Variants in NTM observed in about 807,000 individuals in gnomAD.
The protein encoded by NTM is IgLON family member 2.
In NTM, 13 loss-of-function variants were observed where a neutral mutation model predicts 42.1. That is an observed-to-expected ratio of 0.31 (90% CI 0.20 to 0.49). The LOEUF is 0.49. Among genes scored for constraint, NTM ranks in the 20% least tolerant of loss-of-function variants. The pLI is 0.99. For synonymous variants in NTM, 187 were observed against 179.2 expected (o/e 1.04, Z -0.35); for missense variants, 373 against 452.8 (o/e 0.82, Z 1.60).
chr11:131,643,529 C>T (rs756723115), intron 1 of NTM, among the ~76,000 whole-genome samples: 2 of 152,166 alleles, frequency 1.3e-5, no homozygotes, highest in Non-Finnish European at 1.5e-5. Context: ...GTCCCTAGGG[C>T]TCTACTCAAC....
At chr11:131,929,942 C>A (rs867638366) in intron 2 of NTM, among the ~76,000 whole-genome samples, 68 of 152,150 alleles carry the variant, frequency 4.5e-4, no homozygotes, top group African/African-American at 1.6e-3. Context: ...AGGCTATAAG[C>A]TTCTATTCTT....
intron 1 of NTM, among the ~76,000 whole-genome samples, chr11:131,377,754 A>C (rs1319876883): frequency 2.0e-5 from 3 of 152,158 alleles, no homozygotes; most frequent in African/African-American, 7.2e-5. Flanking sequence ...GTGTGTACAG[A>C]GGTAACAAAG....
intron 1 of NTM, among the ~76,000 whole-genome samples, chr11:131,529,171 C>A (rs946840452): frequency 6.6e-6 from 1 of 152,202 alleles, no homozygotes; most frequent in African/African-American, 2.4e-5. Flanking sequence ...ATCCAGGCTG[C>A]GGCTAATGGC....
chr11:132,331,860 TG>T (rs1339416465), intron 8 of NTM, among the ~76,000 whole-genome samples: 1 of 151,198 alleles, frequency 6.6e-6, no homozygotes, highest in African/African-American at 2.4e-5. Flanking sequence ...TGTGTGAGGG[TG>T]GGGAAAAAAG....
At chr11:131,788,009 A>G (rs1213081229) in intron 1 of NTM, among the ~76,000 whole-genome samples, 2 of 152,152 alleles carry the variant, frequency 1.3e-5, no homozygotes, top group Non-Finnish European at 2.9e-5. Flanking sequence ...CTTAGTCCTA[A>G]TTGTGTCTAT....
intron 4 of NTM, among the ~76,000 whole-genome samples, chr11:132,231,482 C>A (rs1213376944): frequency 6.6e-6 from 1 of 152,062 alleles, no homozygotes; most frequent in Non-Finnish European, 1.5e-5. Context: ...AATTAGCAGC[C>A]TCCAATTTGC....
At chr11:132,063,825 A>G (rs1260737408) in intron 2 of NTM, among the ~76,000 whole-genome samples, 2 of 152,188 alleles carry the variant, frequency 1.3e-5, no homozygotes, top group Non-Finnish European at 2.9e-5. Context: ...CATCTCCTCT[A>G]CAAAAAGAGG....
At chr11:131,437,183 T>C (rs147511549) in intron 1 of NTM, among the ~76,000 whole-genome samples, 1,851 of 152,332 alleles carry the variant, frequency 0.012, 42 homozygotes, top group African/African-American at 0.043. Context: ...TCACATTTGC[T>C]GAGGAGTGCT....
chr11:131,649,281 GC>G (rs1428445911), intron 1 of NTM, among the ~76,000 whole-genome samples: 8 of 152,218 alleles, frequency 5.3e-5, no homozygotes, highest in African/African-American at 1.7e-4. Context: ...AAAAGTTATT[GC>G]TGTGATAATC....
At chr11:131,563,800 C>T (rs1480591847) in intron 1 of NTM, among the ~76,000 whole-genome samples, 1 of 151,908 alleles carries the variant, frequency 6.6e-6, no homozygotes, top group Non-Finnish European at 1.5e-5. Context: ...CATTGGTGGT[C>T]ATTTTCTCCT....
At chr11:131,433,950 C>T (rs1948901044) in intron 1 of NTM, among the ~76,000 whole-genome samples, 2 of 152,170 alleles carry the variant, frequency 1.3e-5, no homozygotes, top group South Asian at 2.1e-4. Flanking sequence ...CTCTCCCTAT[C>T]CCCAACCCCA....
At chr11:131,494,871 AG>A (rs1417004666) in intron 1 of NTM, among the ~76,000 whole-genome samples, 1 of 152,216 alleles carries the variant, frequency 6.6e-6, no homozygotes. Flanking sequence ...GGGTGGAGGC[AG>A]CTCTGGGAAA....
intron 1 of NTM, among the ~76,000 whole-genome samples, chr11:131,756,574 G>A (rs907184993): frequency 2.6e-5 from 4 of 151,998 alleles, no homozygotes; most frequent in African/African-American, 9.6e-5. Flanking sequence ...TGTGGTCCCA[G>A]CTACTGGGGA....
At chr11:131,698,282 C>A (rs995399141) in intron 1 of NTM, among the ~76,000 whole-genome samples, 9 of 152,176 alleles carry the variant, frequency 5.9e-5, no homozygotes, top group Non-Finnish European at 1.3e-4. Flanking sequence ...GTGTACCCCC[C>A]ACCCTACCCC....
At chr11:131,564,358 T>C (rs1352000318) in intron 1 of NTM, among the ~76,000 whole-genome samples, 1 of 152,188 alleles carries the variant, frequency 6.6e-6, no homozygotes, top group Non-Finnish European at 1.5e-5. Context: ...CACCATGGTC[T>C]GGTTTTGGTG....
Position 131,482,389 on chromosome 11 carries a change from T to C in NTM, c.82+111501T>C, listed in dbSNP as rs563462594. ...GATGAGAGCTGAGACATATACATCA[T>C]GCATATTCATGGGCAAAAATTGTTT... On this transcript the variant is annotated intron_variant, in intron 1 of 8. Coordinates refer to ENST00000683400, the MANE Select transcript of NTM (RefSeq NM_001352005.2). 8.5e-5 allele frequency among the ~76,000 whole-genome samples: 13 copies of C among 152,244 alleles called. No individual in the cohort carries two copies. The South Asian group carries it at 1.0e-3, about 12-fold the overall frequency.
At chr11:131,478,331 A>T (rs1337923317) in intron 1 of NTM, among the ~76,000 whole-genome samples, 1 of 152,144 alleles carries the variant, frequency 6.6e-6, no homozygotes, top group Non-Finnish European at 1.5e-5. Flanking sequence ...TACCCCCTAC[A>T]GGGCACACAT....
At chr11:131,823,534 T>C (rs1463340663) in intron 1 of NTM, among the ~76,000 whole-genome samples, 2 of 152,218 alleles carry the variant, frequency 1.3e-5, no homozygotes, top group Non-Finnish European at 2.9e-5. Flanking sequence ...GTTCTATATC[T>C]GGCTTTTGTT....
chr11:131,678,672 T>G (rs192268513), intron 1 of NTM, among the ~76,000 whole-genome samples: 1 of 152,342 alleles, frequency 6.6e-6, no homozygotes, highest in East Asian at 1.9e-4. Context: ...CTTCCTCTTC[T>G]CCCATCTCTT....
Sources: allele counts gnomAD v4.1 joint callset (sites outside exome capture counted in the v4.1 genomes callset), GRCh38; gene constraint gnomAD v4.1.1; transcripts MANE v1.5; gene names NCBI Gene and HGNC (gene_info 2026-07-23, HGNC 2026-07-21).